Variants in EFCAB6 observed in about 807,000 individuals in gnomAD.
EFCAB6 encodes EF-hand calcium-binding domain-containing protein 6.
A neutral mutation model predicts 169.8 loss-of-function variants in EFCAB6; 156 were observed. That is an observed-to-expected ratio of 0.92 (90% CI 0.81 to 1.05). EFCAB6 has a LOEUF of 1.05. Ranked by LOEUF, EFCAB6 falls within the 50% of genes least tolerant of loss-of-function variation. The pLI is 0.00. For synonymous variants in EFCAB6, 698 were observed against 676.4 expected, an observed-to-expected ratio of 1.03 and a Z score of -0.50; for missense variants, 1,800 against 1,829.1, an observed-to-expected ratio of 0.98 and a Z score of 0.29.
chr22:43,577,390 G>A lies in EFCAB6; in HGVS notation c.3229-902C>T, dbSNP rs560256856. On this transcript the variant is annotated intron_variant, in intron 25 of 31. Coordinates refer to ENST00000262726, the MANE Select transcript of EFCAB6 (RefSeq NM_022785.4). ...GCCCCATTGGCCCAACAGGGTGATG[G>A]CATATGTGTAATCAAATTAACCTTA... Among the ~76,000 whole-genome samples the A allele has an allele frequency of 2.0e-4, 30 of 152,254 alleles. No individual in the cohort carries two copies. In the South Asian group the frequency reaches 4.8e-3, roughly 24 times the overall value.
At chr22:43,697,884 T>C (rs1482787927) in intron 10 of EFCAB6, among the ~76,000 whole-genome samples, 1 of 152,116 alleles carries the variant, frequency 6.6e-6, no homozygotes, top group Non-Finnish European at 1.5e-5. Context: ...TCTAATCCAT[T>C]CGACAGATGG....
At chr22:43,609,118 A>ATGTCTTTAGTTG (rs2053127816) in intron 21 of EFCAB6, among the ~76,000 whole-genome samples, 1 of 152,216 alleles carries the variant, frequency 6.6e-6, no homozygotes. Flanking sequence ...GTTCTCAGCA[A>ATGTCTTTAGTTG]TGTCTTTAGT....
chr22:43,561,366 AAAAG>A (rs1050374880), intron 26 of EFCAB6, among the ~76,000 whole-genome samples: 43 of 151,874 alleles, frequency 2.8e-4, no homozygotes, highest in South Asian at 8.3e-4. Context: ...CAAAAAAAAA[AAAAG>A]AAAGAAAGAA....
chr22:43,644,418 A>C (rs1249922942), intron 17 of EFCAB6, among the ~76,000 whole-genome samples: 1 of 152,214 alleles, frequency 6.6e-6, no homozygotes, highest in Non-Finnish European at 1.5e-5. Flanking sequence ...TTACTTTGGT[A>C]AAATGCTATG....
chr22:43,566,635 T>A (rs760609855), intron 26 of EFCAB6, among the ~76,000 whole-genome samples: 1 of 152,144 alleles, frequency 6.6e-6, no homozygotes, highest in African/African-American at 2.4e-5. Flanking sequence ...TCCAAAGCCA[T>A]GCTCCTCCGA....
intron 8 of EFCAB6, among the ~76,000 whole-genome samples, chr22:43,727,085 AC>A (rs2059764199): frequency 6.6e-6 from 1 of 152,178 alleles, no homozygotes; most frequent in African/African-American, 2.4e-5. Context: ...AAGTTTTAAA[AC>A]CCAAACCCTG....
intron 24 of EFCAB6, among the ~76,000 whole-genome samples, chr22:43,582,593 T>A (rs552821188): frequency 6.6e-6 from 1 of 152,086 alleles, no homozygotes; most frequent in Non-Finnish European, 1.5e-5. Context: ...AAGAAGAATG[T>A]AAATCAAGAA....
chr22:43,663,073 T>C (rs2057081831), intron 17 of EFCAB6, among the ~76,000 whole-genome samples: 1 of 152,214 alleles, frequency 6.6e-6, no homozygotes, highest in Admixed American at 6.5e-5. Flanking sequence ...ATAACATATG[T>C]AAAGCAAATT....
intron 10 of EFCAB6, among the ~76,000 whole-genome samples, chr22:43,701,091 T>C (rs185861025): frequency 6.6e-6 from 1 of 152,352 alleles, no homozygotes; most frequent in East Asian, 1.9e-4. Flanking sequence ...TGAATGTTTT[T>C]TGTGATCCTC....
chr22:43,729,293 C>T (rs1307756343), intron 8 of EFCAB6, among the ~76,000 whole-genome samples: 1 of 152,110 alleles, frequency 6.6e-6, no homozygotes, highest in Non-Finnish European at 1.5e-5. Context: ...CAGGGTCTTG[C>T]TAATGTTGCC....
At chr22:43,685,746 C>A (rs2058170514) in intron 11 of EFCAB6, among the ~76,000 whole-genome samples, 1 of 152,118 alleles carries the variant, frequency 6.6e-6, no homozygotes, top group African/African-American at 2.4e-5. Flanking sequence ...GATTACCCAC[C>A]ATAGGGATAT....
chr22:43,537,684 A>G lies in EFCAB6; in HGVS notation c.3880-139T>C, dbSNP rs896533730. On this transcript the variant is annotated intron_variant, in intron 28 of 31. Coordinates refer to ENST00000262726, the MANE Select transcript of EFCAB6 (RefSeq NM_022785.4). The surrounding 1 kb of genome is among the most constrained non-coding windows in gnomAD (Gnocchi z 4.3). ...CCAGAAATAAAATGAAGAATAAAAC[A>G]TAGATGGTGATTTTACAATGTAGCT... is the stretch of plus-strand genomic sequence containing the variant. 1.2e-5 allele frequency: 12 copies of G among 1,040,868 alleles called. No individual in the cohort carries two copies. Among genetic ancestry groups the G allele is most frequent in the Non-Finnish European group, 1.6e-5 (12 of 745,596 alleles). The allele number at this position is 1,040,868 out of a possible 1,614,324, so 64.5% of individuals were successfully genotyped here.
intron 27 of EFCAB6, among the ~76,000 whole-genome samples, chr22:43,548,374 C>A (rs914022301): frequency 6.6e-6 from 1 of 150,554 alleles, no homozygotes; most frequent in Non-Finnish European, 1.5e-5. Flanking sequence ...AACCCTGCCT[C>A]TACTAAAATA....
intron 13 of EFCAB6, among the ~76,000 whole-genome samples, chr22:43,674,705 T>C (rs555652291): frequency 2.1e-4 from 32 of 152,354 alleles, no homozygotes; most frequent in African/African-American, 6.3e-4. Context: ...AAACGGATTC[T>C]TAACATTTTA....
At position 43,711,504 on chromosome 22, in the gene EFCAB6, T is replaced by A; in HGVS notation, c.1002A>T (p.Pro334=). The A allele has an allele frequency of 6.3e-7, 1 of 1,585,318 alleles. No homozygotes were observed. The highest frequency in any genetic ancestry group is 1.2e-5 in the South Asian group (1 of 84,922). ...IVLDTFVYQI[P]RRIFIQLMKR... is the part of the protein sequence containing the mutation. ...TCATTAACTGGATAAAAATTCTTCTTGGTATTTGGTATACAAAAGTGTCGA... is the reference window on the plus strand; with the variant it reads ...TCATTAACTGGATAAAAATTCTTCTAGGTATTTGGTATACAAAAGTGTCGA... The change falls in exon 10 of 32, where the codon CCA becomes CCT. Residue 334 remains proline, a synonymous_variant. Transcript: ENST00000262726.
At chr22:43,649,973 AG>A (rs1442419832) in intron 17 of EFCAB6, among the ~76,000 whole-genome samples, 1 of 152,246 alleles carries the variant, frequency 6.6e-6, no homozygotes, top group African/African-American at 2.4e-5. Context: ...CTAGTGAGAA[AG>A]AAAAATAAGA....
At chr22:43,564,451 A>G in intron 26 of EFCAB6, among the ~76,000 whole-genome samples, 1 of 133,776 alleles carries the variant, frequency 7.5e-6, no homozygotes, top group Non-Finnish European at 1.7e-5. Context: ...ATGTCTCAGA[A>G]AAAAAAAGAA....
At chr22:43,540,446 C>T in intron 27 of EFCAB6, 89 bp from the exon 28 acceptor site, 1 of 1,592,490 alleles carries the variant, frequency 6.3e-7, no homozygotes. Context: ...GACAGGCCGG[C>T]CTCGCAGGAG....
intron 4 of EFCAB6, among the ~76,000 whole-genome samples, 178 bp downstream of exon 4, chr22:43,772,714 C>T (rs1161122106): frequency 1.3e-5 from 2 of 151,898 alleles, no homozygotes; most frequent in South Asian, 2.1e-4. Flanking sequence ...AAAATATGAC[C>T]GAGTAGCTGT....
Sources: allele counts gnomAD v4.1 joint callset (sites outside exome capture counted in the v4.1 genomes callset), GRCh38; gene constraint gnomAD v4.1.1; non-coding constraint Gnocchi (gnomAD v3.1); transcripts MANE v1.5; gene names NCBI Gene and HGNC (gene_info 2026-07-23, HGNC 2026-07-21).